The following MDGA2 variants were observed in gnomAD, a reference collection of about 807,000 sequenced individuals.
MDGA2 encodes the protein MAM domain-containing glycosylphosphatidylinositol anchor protein 2.
MDGA2 carries 40 observed loss-of-function variants against 117.8 expected under a neutral mutation model. The ratio of observed to expected loss-of-function variants is 0.34; its 90% CI spans 0.26 to 0.44. MDGA2 has a LOEUF of 0.44. Ranked by LOEUF, MDGA2 falls within the 20% of genes least tolerant of loss-of-function variation. The pLI, the probability that MDGA2 is intolerant of heterozygous loss-of-function variation, is 1.00. For synonymous variants in MDGA2, 452 were observed against 439.0 expected (o/e 1.03, Z -0.37); for missense variants, 1,123 against 1,250.6 (o/e 0.90, Z 1.54).
At chr14:46,991,886 T>A (rs1247483204) in intron 8 of MDGA2, among the ~76,000 whole-genome samples, 1 of 152,118 alleles carries the variant, frequency 6.6e-6, no homozygotes, top group African/African-American at 2.4e-5. Context: ...TAACACAGAA[T>A]TCAGGATAAG....
intron 1 of MDGA2, among the ~76,000 whole-genome samples, chr14:47,462,966 A>T (rs1893522726): frequency 6.6e-6 from 1 of 152,164 alleles, no homozygotes; most frequent in African/African-American, 2.4e-5. Context: ...GGCTTGCCAC[A>T]AAAATTGTGG....
chr14:47,484,166 A>AT (rs1894010566), intron 1 of MDGA2, among the ~76,000 whole-genome samples: 2 of 152,170 alleles, frequency 1.3e-5, no homozygotes, highest in East Asian at 3.9e-4. Flanking sequence ...TGAGATAGCT[A>AT]TTTTTTACAA....
At chr14:47,660,429 G>A (rs970584781) in intron 1 of MDGA2, among the ~76,000 whole-genome samples, 2 of 152,168 alleles carry the variant, frequency 1.3e-5, no homozygotes, top group African/African-American at 4.8e-5. Context: ...GACTTTTATA[G>A]TGGTAAATAC....
chr14:47,019,389 T>G (rs75436557), intron 8 of MDGA2, among the ~76,000 whole-genome samples: 4,340 of 152,266 alleles, frequency 0.029, 78 homozygotes, highest in Non-Finnish European at 0.045. Flanking sequence ...GTCAGTTCAT[T>G]GTTATTTTTG....
intron 1 of MDGA2, among the ~76,000 whole-genome samples, chr14:47,434,519 G>A (rs1346595923): frequency 6.6e-6 from 1 of 152,064 alleles, no homozygotes; most frequent in Non-Finnish European, 1.5e-5. Flanking sequence ...TTTCTCTGAG[G>A]TCAAAGAAGG....
chr14:47,256,388 G>T (rs1042261089), intron 2 of MDGA2, among the ~76,000 whole-genome samples: 1 of 152,220 alleles, frequency 6.6e-6, no homozygotes, highest in East Asian at 1.9e-4. Flanking sequence ...TTATCCACGA[G>T]TGACACTCAC....
chr14:47,144,693 G>A (rs1882865937), intron 3 of MDGA2, among the ~76,000 whole-genome samples: 1 of 151,658 alleles, frequency 6.6e-6, no homozygotes, highest in Non-Finnish European at 1.5e-5. Context: ...CTGTCAACCA[G>A]GCTGAAGTCC....
intron 10 of MDGA2, among the ~76,000 whole-genome samples, chr14:46,898,460 T>A (rs1883164229): frequency 6.6e-6 from 1 of 152,066 alleles, no homozygotes; most frequent in Non-Finnish European, 1.5e-5. Context: ...CTAATGGGGA[T>A]CACAAGAGGA....
chr14:47,288,113 A>T (rs1156350330), intron 2 of MDGA2, among the ~76,000 whole-genome samples: 1 of 150,304 alleles, frequency 6.7e-6, no homozygotes, highest in Non-Finnish European at 1.5e-5. Flanking sequence ...ATGGAAGCCC[A>T]AGGGAAGTAA....
At chr14:47,417,760 GA>G (rs1199378515) in intron 1 of MDGA2, among the ~76,000 whole-genome samples, 5 of 152,046 alleles carry the variant, frequency 3.3e-5, no homozygotes, top group Non-Finnish European at 5.9e-5. Context: ...TGTCACCCAG[GA>G]TGGACTGCAG....
intron 1 of MDGA2, among the ~76,000 whole-genome samples, chr14:47,490,873 G>A (rs1894154766): frequency 6.6e-6 from 1 of 152,064 alleles, no homozygotes. Flanking sequence ...GGAATCAGTT[G>A]GCTAGGCCTG....
intron 5 of MDGA2, among the ~76,000 whole-genome samples, chr14:47,102,410 CACAA>C (rs1880389985): frequency 1.3e-5 from 2 of 150,122 alleles, no homozygotes; most frequent in African/African-American, 4.9e-5. Context: ...CACACACACA[CACAA>C]ACTAACTAAA....
At chr14:47,202,606 T>C (rs948794467) in intron 3 of MDGA2, among the ~76,000 whole-genome samples, 1 of 152,218 alleles carries the variant, frequency 6.6e-6, no homozygotes, top group African/African-American at 2.4e-5. Context: ...CCAATAACTA[T>C]ACAGGCCCTG....
chr14:46,932,318 G>A (rs1425906838), intron 9 of MDGA2, among the ~76,000 whole-genome samples: 5 of 151,478 alleles, frequency 3.3e-5, no homozygotes, highest in African/African-American at 9.7e-5. Flanking sequence ...TTTATAATTT[G>A]CTTCAATAAT....
rs555126068 is a variant in MDGA2 at position 47,435,813 on chromosome 14, C to T, written c.281-134263G>A. Among the ~76,000 whole-genome samples the T allele has an allele frequency of 3.3e-5, 5 of 152,152 alleles. No homozygotes were observed. The South Asian group carries it at 1.0e-3, about 32-fold the overall frequency. Reference sequence around the variant, plus strand: ...CATGACCAGGTTACTGAAAAAGTGCCCCCTGGACTTTATGCTTCTGGGCTC... The same window carrying T: ...CATGACCAGGTTACTGAAAAAGTGCTCCCTGGACTTTATGCTTCTGGGCTC... On this transcript the variant is annotated intron_variant, in intron 1 of 16. Coordinates refer to ENST00000399232, the MANE Select transcript of MDGA2 (RefSeq NM_001113498.3).
At chr14:47,357,716 T>C (rs1891027252) in intron 1 of MDGA2, among the ~76,000 whole-genome samples, 1 of 152,190 alleles carries the variant, frequency 6.6e-6, no homozygotes, top group South Asian at 2.1e-4. Context: ...TCTTTGAATA[T>C]TTAAAGTGAT....
At chr14:47,588,065 T>C (rs1397730057) in intron 1 of MDGA2, among the ~76,000 whole-genome samples, 1 of 151,810 alleles carries the variant, frequency 6.6e-6, no homozygotes, top group African/African-American at 2.4e-5. Context: ...CATTTCTTTC[T>C]ATTACTGAAT....
At chr14:47,461,595 G>C (rs1893487951) in intron 1 of MDGA2, among the ~76,000 whole-genome samples, 1 of 151,948 alleles carries the variant, frequency 6.6e-6, no homozygotes, top group Admixed American at 6.6e-5. Flanking sequence ...GTGCTCAGCA[G>C]TTCAAATATA....
At chr14:47,374,466 C>A (rs1277233637) in intron 1 of MDGA2, among the ~76,000 whole-genome samples, 1 of 152,046 alleles carries the variant, frequency 6.6e-6, no homozygotes, top group South Asian at 2.1e-4. Context: ...CTAGGCAGGG[C>A]TCCTGATACT....
Sources: allele counts gnomAD v4.1 joint callset (sites outside exome capture counted in the v4.1 genomes callset), GRCh38; gene constraint gnomAD v4.1.1; transcripts MANE v1.5; gene names NCBI Gene and HGNC (gene_info 2026-07-23, HGNC 2026-07-21).